CSMD3: variants seen among roughly 807,000 people sequenced by gnomAD.
CSMD3 encodes the protein CUB and Sushi multiple domains 3, also known as CUB and sushi domain-containing protein 3.
In CSMD3, 177 loss-of-function variants were observed where a neutral mutation model predicts 435.2. That is an observed-to-expected ratio of 0.41 (90% CI 0.36 to 0.46). The LOEUF (loss-of-function observed/expected upper bound fraction) is 0.46. Ranked by LOEUF, CSMD3 falls within the 20% of genes least tolerant of loss-of-function variation. The pLI, the probability that CSMD3 is intolerant of heterozygous loss-of-function variation, is 0.34. For synonymous variants in CSMD3, 1,656 were observed against 1,520.5 expected (o/e 1.09, Z -2.07); for missense variants, 4,265 against 4,504.6 (o/e 0.95, Z 1.52).
intron 13 of CSMD3, among the ~76,000 whole-genome samples, chr8:112,765,416 C>A (rs1444493996): frequency 6.6e-6 from 1 of 151,510 alleles, no homozygotes; most frequent in Non-Finnish European, 1.5e-5. Flanking sequence ...AGATGAATAT[C>A]ATCATTAGGT....
chr8:113,171,266 C>A (rs994012363), intron 4 of CSMD3, among the ~76,000 whole-genome samples: 9 of 151,790 alleles, frequency 5.9e-5, no homozygotes, highest in South Asian at 2.1e-4. Flanking sequence ...TCTCTTCATC[C>A]CAGTATAGCT....
intron 38 of CSMD3, among the ~76,000 whole-genome samples, chr8:112,372,991 A>G (rs1436561559): frequency 8.4e-6 from 1 of 118,912 alleles, no homozygotes; most frequent in Non-Finnish European, 1.9e-5. Context: ...ATATATTTAT[A>G]TTTTATATAT....
Position 112,423,178 on chromosome 8 carries a change from A to T in CSMD3, c.5396-14146T>A, listed in dbSNP as rs535362811. Among the ~76,000 whole-genome samples, 13 of 152,146 alleles carry T rather than the reference A, an allele frequency of 8.5e-5. No individual in the cohort carries two copies. The South Asian group carries it at 2.5e-3, about 29-fold the overall frequency. ...TTCAGAAACAGTCTTAAACAATATCATCCATAACCAAAAAGAGCAAAAATA... is the reference window on the plus strand; with the variant it reads ...TTCAGAAACAGTCTTAAACAATATCTTCCATAACCAAAAAGAGCAAAAATA... On this transcript the variant is annotated intron_variant, in intron 32 of 70. Transcript: ENST00000297405.
intron 19 of CSMD3, among the ~76,000 whole-genome samples, 154 bp from the exon 20 acceptor site, chr8:112,645,379 A>G (rs538973857): frequency 6.6e-6 from 1 of 152,284 alleles, no homozygotes; most frequent in South Asian, 2.1e-4. Context: ...TAGAGAAGAA[A>G]AGTGTACTCA....
Position 112,531,142 on chromosome 8 carries a change from G to A in CSMD3, c.4565-13917C>T, listed in dbSNP as rs1010348673. ...TTGAGGGAAGGAGAGGGAAGAGTAC[G>A]GGGGACTTTGCCTTGGAAACTAGTA... On this transcript the variant is annotated intron_variant, in intron 27 of 70. Coordinates refer to ENST00000297405, the MANE Select transcript of CSMD3 (RefSeq NM_198123.2). Among the ~76,000 whole-genome samples the A allele has an allele frequency of 4.6e-5, 7 of 152,046 alleles. No homozygotes were observed. In the East Asian group the frequency reaches 5.8e-4, roughly 13 times the overall value.
chr8:113,424,619 G>T (rs550438673), intron 1 of CSMD3, among the ~76,000 whole-genome samples: 2 of 151,124 alleles, frequency 1.3e-5, no homozygotes, highest in Non-Finnish European at 3.0e-5. Flanking sequence ...ACAGTTTGGT[G>T]ATCACAAATG....
intron 4 of CSMD3, among the ~76,000 whole-genome samples, chr8:113,110,062 C>A (rs1361634253): frequency 6.6e-6 from 1 of 152,174 alleles, no homozygotes; most frequent in Non-Finnish European, 1.5e-5. Flanking sequence ...TGTAGCCTGG[C>A]CTTATGATGG....
chr8:112,592,661 C>A (rs1275636166), intron 22 of CSMD3, among the ~76,000 whole-genome samples: 1 of 152,014 alleles, frequency 6.6e-6, no homozygotes, highest in Admixed American at 6.6e-5. Context: ...CATTTTCTGT[C>A]AAAAATATTG....
In CSMD3 at chr8:112,917,526, G is replaced by T. The variant is rs569667410; in HGVS notation, c.1633+4101C>A. On this transcript the variant is annotated intron_variant, in intron 10 of 70. Coordinates refer to ENST00000297405, the MANE Select transcript of CSMD3 (RefSeq NM_198123.2). ...AAGTTAAAAAAAAAGTTGCTTAAAG[G>T]CAAATCATGGGTGATTTTGGAAATC... 1.6e-4 allele frequency among the ~76,000 whole-genome samples: 24 copies of T among 151,830 alleles called. No individual in the cohort carries two copies. The South Asian group carries it at 4.8e-3, about 30-fold the overall frequency.
chr8:112,482,343 C>T (rs1014656208), intron 31 of CSMD3, among the ~76,000 whole-genome samples: 2 of 152,190 alleles, frequency 1.3e-5, no homozygotes, highest in Admixed American at 6.5e-5. Context: ...ATGTATGATA[C>T]TATGTGACTC....
At chr8:112,831,798 A>G (rs149807293) in intron 11 of CSMD3, among the ~76,000 whole-genome samples, 8 of 152,266 alleles carry the variant, frequency 5.3e-5, no homozygotes, top group Non-Finnish European at 1.0e-4. Flanking sequence ...AGGTGAACAG[A>G]TGAAGCTGCT....
At chr8:112,866,117 G>A (rs964346928) in intron 10 of CSMD3, among the ~76,000 whole-genome samples, 9 of 152,138 alleles carry the variant, frequency 5.9e-5, no homozygotes, top group African/African-American at 2.2e-4. Flanking sequence ...TTTGTTGATG[G>A]TATGAGGAGT....
intron 2 of CSMD3, among the ~76,000 whole-genome samples, chr8:113,293,707 T>TA: frequency 6.6e-6 from 1 of 152,306 alleles, no homozygotes; most frequent in Admixed American, 6.5e-5. Flanking sequence ...TCACTTCTTT[T>TA]ATAACAAGTT....
intron 32 of CSMD3, among the ~76,000 whole-genome samples, chr8:112,464,335 A>G (rs572652522): frequency 6.6e-6 from 1 of 152,186 alleles, no homozygotes; most frequent in African/African-American, 2.4e-5. Flanking sequence ...GAAAACACAT[A>G]TGGCACCTAT....
Position 112,957,400 on chromosome 8 carries a change from C to T in CSMD3, c.1343-2639G>A, listed in dbSNP as rs190081822. Among the ~76,000 whole-genome samples, 417 of 152,292 alleles carry T rather than the reference C, an allele frequency of 2.7e-3. 1 individual carries two copies. The highest frequency in any genetic ancestry group is 5.3e-3 in the Admixed American group (81 of 15,292). Reference sequence around the variant, plus strand: ...GTGTCATGTGTGGCAATTCCCTCCACTGTATGGTAAGCTCCTCAAAGGCAG... The same window carrying T: ...GTGTCATGTGTGGCAATTCCCTCCATTGTATGGTAAGCTCCTCAAAGGCAG... On this transcript the variant is annotated intron_variant, in intron 7 of 70. Coordinates refer to ENST00000297405, the MANE Select transcript of CSMD3 (RefSeq NM_198123.2).
rs759473877 is a variant in CSMD3 at position 112,341,659 on chromosome 8, G to T, written c.6470C>A (p.Ser2157Tyr). Residue 2157 changes from serine (S) to tyrosine (Y), a missense_variant, in exon 42 of 71, where the codon TCT (serine) becomes TAT (tyrosine). Physicochemically the swap from Ser to Tyr is moderately radical, Grantham distance 144. Transcript: ENST00000297405. Reference sequence around the variant, plus strand: ...CAAATAATCATGTATGGTTTCTGTAGAAAAATTTACAAACTGGAGATGTAC... The same window carrying T: ...CAAATAATCATGTATGGTTTCTGTATAAAAATTTACAAACTGGAGATGTAC... ...FGVHLQFVNF[S>Y]TETIHDYLEV... 1 of 1,611,194 alleles carries T rather than the reference G, an allele frequency of 6.2e-7. No homozygotes were observed. Among genetic ancestry groups the T allele is most frequent in the Non-Finnish European group, 8.5e-7 (1 of 1,177,576 alleles).
chr8:112,272,283 A>C (rs1237548139), intron 59 of CSMD3, among the ~76,000 whole-genome samples: 1 of 152,184 alleles, frequency 6.6e-6, no homozygotes, highest in Non-Finnish European at 1.5e-5. Context: ...GTTGGTTTGG[A>C]AAGTTCAGCT....
Position 113,307,430 on chromosome 8 carries a change from C to A in CSMD3, c.401+7141G>T, listed in dbSNP as rs1251827341. On this transcript the variant is annotated intron_variant, in intron 2 of 70. Transcript: ENST00000297405. Reference sequence around the variant, plus strand: ...CTAAATATAAAGCTAACACTCTAAACCTTCAGAAGAAAATACAGGATATCT... The same window carrying A: ...CTAAATATAAAGCTAACACTCTAAAACTTCAGAAGAAAATACAGGATATCT... 2.0e-5 allele frequency among the ~76,000 whole-genome samples: 3 copies of A among 152,072 alleles called. No homozygotes were observed. In the East Asian group the frequency reaches 5.8e-4, roughly 29 times the overall value.
intron 3 of CSMD3, among the ~76,000 whole-genome samples, chr8:113,236,996 G>T (rs1390185867): frequency 1.3e-5 from 2 of 152,094 alleles, no homozygotes; most frequent in Non-Finnish European, 2.9e-5. Flanking sequence ...CAGGTTAATA[G>T]AGAGTATAAT....
Sources: gnomAD v4.1 joint callset for allele counts (sites outside exome capture counted in the v4.1 genomes callset) on GRCh38, gnomAD v4.1.1 for gene constraint, MANE v1.5 for transcripts, NCBI Gene and HGNC (gene_info 2026-07-23, HGNC 2026-07-21) for gene names.